The following GPC3 variants were observed in gnomAD, a reference collection of about 807,000 sequenced individuals.
GPC3 encodes glypican 3, also known as glypican-3.
GPC3 carries 3 observed loss-of-function variants against 34.4 expected under a neutral mutation model. That is an observed-to-expected ratio of 0.09 (90% CI 0.04 to 0.23). The LOEUF (loss-of-function observed/expected upper bound fraction) is 0.23, where lower values mean the gene tolerates loss of function less well. Among genes scored for constraint, GPC3 ranks in the 10% least tolerant of loss-of-function variants. The pLI is 1.00. For missense variants in GPC3, 351 were observed against 445.6 expected, an observed-to-expected ratio of 0.79 and a Z score of 1.91; for synonymous variants, 177 against 174.0, an observed-to-expected ratio of 1.02 and a Z score of -0.13.
intron 2 of GPC3, among the ~76,000 whole-genome samples, chrX:133,787,605 A>G (rs1039032393): frequency 3.6e-5 from 4 of 111,789 alleles, no homozygotes; most frequent in Non-Finnish European, 1.9e-5. Flanking sequence ...CCAGGCTGTT[A>G]CCAAGTAGAG....
chrX:133,933,824 CT>C (rs766505705), intron 2 of GPC3, among the ~76,000 whole-genome samples: 2 of 107,194 alleles, frequency 1.9e-5, no homozygotes, highest in South Asian at 8.5e-4. Context: ...CCTGTACAGT[CT>C]GCATAACTGT....
chrX:133,548,901 T>C (rs1241708947), intron 7 of GPC3, among the ~76,000 whole-genome samples: 1 of 111,755 alleles, frequency 8.9e-6, no homozygotes, highest in Non-Finnish European at 1.9e-5. Context: ...TTGCCTTCCA[T>C]CATTATTGTG....
chrX:133,728,347 GAGA>G (rs1284541302), intron 3 of GPC3, among the ~76,000 whole-genome samples: 1 of 10,247 alleles, frequency 9.8e-5, no homozygotes, highest in African/African-American at 5.7e-4. Context: ...GAATGAGAAG[GAGA>G]AGGAGAAAGG....
At chrX:133,696,352 G>A (rs2071118205) in intron 4 of GPC3, among the ~76,000 whole-genome samples, 1 of 111,890 alleles carries the variant, frequency 8.9e-6, no homozygotes, top group Non-Finnish European at 1.9e-5. Context: ...TACAAGAGTA[G>A]TTTACCTCCT....
intron 2 of GPC3, among the ~76,000 whole-genome samples, chrX:133,865,623 C>T (rs954257816): frequency 3.6e-5 from 4 of 112,084 alleles, no homozygotes; most frequent in East Asian, 2.8e-4. Context: ...ATATGTAAAT[C>T]GGTTGATTTT....
rs141100113 is a variant in GPC3, at chrX:133,753,688, C to A, written c.826G>T (p.Gly276Cys). Residue 276 changes from glycine to cysteine, a missense_variant, in exon 3 of 8, where the codon GGT becomes TGT. Gly to Cys is a radical substitution (Grantham distance 159). Coordinates refer to ENST00000370818, the MANE Select transcript of GPC3 (RefSeq NM_004484.4). ...QGLMMVKPCG[G>C]YCNVVMQGCM... ...CCTTGCATGACCACATTGCAGTAAC[C>A]GCCACAGGGTTTAACCATCATCAGT... The A allele has an allele frequency of 2.5e-6, 3 of 1,209,588 alleles. No homozygotes were observed. The Admixed American group carries it at 6.6e-5, about 26-fold the overall frequency.
chrX:133,619,669 G>A (rs1191564065), intron 6 of GPC3, among the ~76,000 whole-genome samples: 1 of 111,105 alleles, frequency 9.0e-6, no homozygotes, highest in African/African-American at 3.3e-5. Flanking sequence ...GGTTGCCAGG[G>A]GTCAGGGGTA....
At position 133,661,784 on chromosome X, in the gene GPC3, C is replaced by G. The variant is rs148219256; in HGVS notation, c.1359G>C (p.Lys453Asn). ...NQFNLHELKMKGPEPVVSQII... is the reference protein window; with the variant it reads ...NQFNLHELKMNGPEPVVSQII... ...TTTGACTGACCACTGGCTCAGGGCC[C>G]TTCATTTTCAGCTCATGGAGATTGA... is the stretch of plus-strand genomic sequence containing the variant. The change falls in exon 6 of 8, where the codon AAG (lysine) becomes AAC (asparagine). Residue 453 changes from lysine to asparagine, a missense_variant. Coordinates refer to ENST00000370818, the MANE Select transcript of GPC3 (RefSeq NM_004484.4). 5.0e-6 allele frequency: 6 copies of G among 1,198,378 alleles called. No individual in the cohort carries two copies. The highest frequency in any genetic ancestry group is 3.6e-5 in the African/African-American group (2 of 55,802).
At chrX:133,755,068 C>G (rs188746893) in intron 2 of GPC3, among the ~76,000 whole-genome samples, 1 of 111,810 alleles carries the variant, frequency 8.9e-6, no homozygotes, top group African/African-American at 3.3e-5. Context: ...CTGAAACATC[C>G]CAGACCCAAA....
At chrX:133,843,725 G>A (rs768639737) in intron 2 of GPC3, among the ~76,000 whole-genome samples, 46 of 110,914 alleles carry the variant, frequency 4.1e-4, no homozygotes, top group African/African-American at 1.1e-3. Context: ...GGGGTGATGC[G>A]TTATGCAGCA....
chrX:133,579,646 C>T (rs965603298), intron 7 of GPC3, among the ~76,000 whole-genome samples: 1 of 111,612 alleles, frequency 9.0e-6, no homozygotes, highest in African/African-American at 3.3e-5. Flanking sequence ...TGGGCTCAAG[C>T]GATCCTCTCA....
chrX:133,817,955 A>G lies in GPC3; in HGVS notation c.338-63779T>C, dbSNP rs1409485638. Among the ~76,000 whole-genome samples, 5 of 111,035 alleles carry G rather than the reference A, an allele frequency of 4.5e-5. No homozygotes were observed. In the East Asian group the frequency reaches 1.4e-3, roughly 31 times the overall value. On this transcript the variant is annotated intron_variant, in intron 2 of 7. Transcript: ENST00000370818. Reference sequence around the variant, plus strand: ...ATTGTTTTATTTTATATTGAGCTTCATTGGGTTTTCAGACATTTACACTGT... The same window carrying G: ...ATTGTTTTATTTTATATTGAGCTTCGTTGGGTTTTCAGACATTTACACTGT...
chrX:133,540,224 G>A, intron 7 of GPC3, among the ~76,000 whole-genome samples: 1 of 112,731 alleles, frequency 8.9e-6, no homozygotes, highest in Non-Finnish European at 1.9e-5. Context: ...AGGAAAAGAA[G>A]TCATTCTATG....
chrX:133,897,536 C>T (rs1459523287), intron 2 of GPC3, among the ~76,000 whole-genome samples: 1 of 110,078 alleles, frequency 9.1e-6, no homozygotes, highest in Non-Finnish European at 1.9e-5. Flanking sequence ...CCGTGCTATT[C>T]TGCCTATAGC....
intron 6 of GPC3, among the ~76,000 whole-genome samples, chrX:133,653,808 T>A (rs1295603415): frequency 8.9e-6 from 1 of 112,321 alleles, no homozygotes; most frequent in Admixed American, 9.4e-5. Context: ...CTGCCATGAT[T>A]TGGAGTACTT....
At chrX:133,737,078 T>TAA (rs1315833168) in intron 3 of GPC3, among the ~76,000 whole-genome samples, 1 of 112,156 alleles carries the variant, frequency 8.9e-6, no homozygotes, top group East Asian at 2.8e-4. Context: ...GGAGTAAACT[T>TAA]AAAAGCATAT....
intron 5 of GPC3, chrX:133,671,034 C>T: frequency 1.8e-6 from 1 of 553,700 alleles, no homozygotes; most frequent in South Asian, 2.3e-5. Context: ...TCAGGGGAAA[C>T]AAATGGTCAT....
At chrX:133,896,179 T>A (rs1428491404) in intron 2 of GPC3, among the ~76,000 whole-genome samples, 2 of 110,898 alleles carry the variant, frequency 1.8e-5, no homozygotes, top group African/African-American at 6.6e-5. Context: ...CTGGCCAACA[T>A]GGTGAAACCC....
intron 6 of GPC3, among the ~76,000 whole-genome samples, chrX:133,609,600 C>T (rs1013964025): frequency 7.1e-5 from 8 of 112,244 alleles, no homozygotes; most frequent in East Asian, 2.8e-4. Flanking sequence ...TTAGGTTAGA[C>T]GGTCTTTTAA....
Sources: gnomAD v4.1 joint callset for allele counts (sites outside exome capture counted in the v4.1 genomes callset) on GRCh38, gnomAD v4.1.1 for gene constraint, MANE v1.5 for transcripts, NCBI Gene and HGNC (gene_info 2026-07-23, HGNC 2026-07-21) for gene names.